Variants in KCNQ1 observed in about 807,000 individuals in gnomAD.
The protein encoded by KCNQ1 is potassium voltage-gated channel subfamily Q member 1, also known as potassium voltage-gated channel subfamily KQT member 1.
A neutral mutation model predicts 72.4 loss-of-function variants in KCNQ1; 49 were observed. The observed-to-expected ratio is 0.68, with a 90% CI of 0.54 to 0.86. The LOEUF (loss-of-function observed/expected upper bound fraction) is 0.86, where lower values mean the gene tolerates loss of function less well. Among genes scored for constraint, KCNQ1 ranks in the 40% least tolerant of loss-of-function variants. KCNQ1 has a pLI of 0.00. For synonymous variants in KCNQ1, 450 were observed against 412.6 expected, an observed-to-expected ratio of 1.09 and a Z score of -1.10; for missense variants, 790 against 945.1, an observed-to-expected ratio of 0.84 and a Z score of 2.15.
chr11:2,717,047 T>A (rs934485750), intron 11 of KCNQ1, among the ~76,000 whole-genome samples: 1 of 152,196 alleles, frequency 6.6e-6, no homozygotes, highest in African/African-American at 2.4e-5. Context: ...GCCCCCCAGA[T>A]GTCCTGCCCT....
At chr11:2,558,711 T>G (rs1473742910) in intron 2 of KCNQ1, among the ~76,000 whole-genome samples, 1 of 152,068 alleles carries the variant, frequency 6.6e-6, no homozygotes, top group African/African-American at 2.4e-5. Context: ...GAAACGTGTG[T>G]AACTCTAGTC....
intron 12 of KCNQ1, among the ~76,000 whole-genome samples, chr11:2,775,574 C>T (rs936244083): frequency 1.1e-4 from 17 of 152,332 alleles, no homozygotes; most frequent in African/African-American, 4.1e-4. Context: ...AGCTGTGCCT[C>T]CTGGTCAGTG....
rs1163498769 is a variant in KCNQ1, at chr11:2,620,107, C to G, written c.1393+31253C>G. On this transcript the variant is annotated intron_variant, in intron 10 of 15. Transcript: ENST00000155840. The surrounding 1 kb of genome is among the most constrained non-coding windows in gnomAD (Gnocchi z 4.5). ...GGTCCCACTTGCAAGTGGTAACATG[C>G]AGTATTTGGTTTTCTGTTCCTGCAT... 4.8e-5 allele frequency: 19 copies of G among 397,988 alleles called. No individual in the cohort carries two copies. Among genetic ancestry groups the G allele is most frequent in the Non-Finnish European group, 1.3e-5 (3 of 225,968 alleles). The allele number at this position is 397,988 out of a possible 1,614,324, so 24.7% of individuals were successfully genotyped here.
Position 2,620,383 on chromosome 11 carries a change from A to G in KCNQ1, c.1393+31529A>G, listed in dbSNP as rs1011662945. 1.7e-4 allele frequency: 37 copies of G among 211,852 alleles called. No individual in the cohort carries two copies. The highest frequency in any genetic ancestry group is 5.9e-4 in the Admixed American group (10 of 16,988). The allele number at this position is 211,852 out of a possible 1,614,324, so 13.1% of individuals were successfully genotyped here. ...AGGCATGCGCCACCACGTCCAGCTAATTTTGTAGTTTTAGTAGAGACAGGG... is the reference window on the plus strand; with the variant it reads ...AGGCATGCGCCACCACGTCCAGCTAGTTTTGTAGTTTTAGTAGAGACAGGG... On this transcript the variant is annotated intron_variant, in intron 10 of 15. Coordinates refer to ENST00000155840, the MANE Select transcript of KCNQ1 (RefSeq NM_000218.3). The surrounding 1 kb of genome is among the most constrained non-coding windows in gnomAD (Gnocchi z 4.5).
chr11:2,580,465 G>A (rs1019499306), intron 6 of KCNQ1, among the ~76,000 whole-genome samples: 1 of 151,948 alleles, frequency 6.6e-6, no homozygotes, highest in Non-Finnish European at 1.5e-5. Context: ...AAATATTATC[G>A]AAAGAAAAAT....
rs1374936567 is a variant in KCNQ1 at position 2,598,075 on chromosome 11, TATTA to T, written c.1393+9225_1393+9228del. On this transcript the variant is annotated intron_variant, in intron 10 of 15. Coordinates refer to ENST00000155840, the MANE Select transcript of KCNQ1 (RefSeq NM_000218.3). The surrounding 1 kb of genome is among the most constrained non-coding windows in gnomAD (Gnocchi z 6.2). Reference sequence around the variant, plus strand: ...TTTCATTAATCTAAGCTTTTATAGCTATTAATTCCCTTTTCTTGGCTAACTCTAT... The same window carrying T: ...TTTCATTAATCTAAGCTTTTATAGCTATTCCCTTTTCTTGGCTAACTCTAT... Among the ~76,000 whole-genome samples, 2 of 152,170 alleles carry T rather than the reference TATTA, an allele frequency of 1.3e-5. No individual in the cohort carries two copies. The highest frequency in any genetic ancestry group is 4.8e-5 in the African/African-American group (2 of 41,462).
At position 2,762,497 on chromosome 11, in the gene KCNQ1, C is replaced by G. The variant is rs1409385977; in HGVS notation, c.1515-6347C>G. ...CAGCTCGACGGCAAAGGCGTCTTTT[C>G]TATGAACCAGTGGCCACAGGAGGGT... is the stretch of plus-strand genomic sequence containing the variant. On this transcript the variant is annotated intron_variant, in intron 11 of 15. Transcript: ENST00000155840. The surrounding 1 kb of genome is among the most constrained non-coding windows in gnomAD (Gnocchi z 4.3). 1.3e-5 allele frequency among the ~76,000 whole-genome samples: 2 copies of G among 152,152 alleles called. No homozygotes were observed. The highest frequency in any genetic ancestry group is 6.5e-5 in the Admixed American group (1 of 15,286).
intron 1 of KCNQ1, among the ~76,000 whole-genome samples, chr11:2,480,287 C>G (rs1846632202): frequency 6.6e-6 from 1 of 152,188 alleles, no homozygotes; most frequent in Non-Finnish European, 1.5e-5. Context: ...AGTCCATTTT[C>G]ATGCTGCTGA....
chr11:2,638,284 A>G (rs985826822), intron 10 of KCNQ1: 6 of 152,104 alleles, frequency 3.9e-5, no homozygotes, highest in African/African-American at 1.2e-4. Flanking sequence ...GGTCTTTACA[A>G]TTTGTCATGT....
chr11:2,642,678 G>A lies in KCNQ1; in HGVS notation c.1394-19283G>A, dbSNP rs1849598250. ...CTTGTTTAGTTCTGCTCTGATCTTC[G>A]TTATTTCTTTCCTTCTACTAATTTT... On this transcript the variant is annotated intron_variant, in intron 10 of 15. Transcript: ENST00000155840. This position sits in a 1 kb window ranked among gnomAD's most constrained non-coding sequence, Gnocchi z 4.3. 6 of 397,398 alleles carry A rather than the reference G, an allele frequency of 1.5e-5. No homozygotes were observed. Among genetic ancestry groups the A allele is most frequent in the South Asian group, 1.3e-4 (1 of 7,836 alleles). 24.6% of individuals were successfully genotyped at this position (397,398 alleles called of 1,614,324 possible).
rs1850879593 is a variant in KCNQ1, at chr11:2,704,769, C to G, written c.1514+42688C>G. On this transcript the variant is annotated intron_variant, in intron 11 of 15. Coordinates refer to ENST00000155840, the MANE Select transcript of KCNQ1 (RefSeq NM_000218.3). The surrounding 1 kb of genome is among the most constrained non-coding windows in gnomAD (Gnocchi z 4.3). ...TCAGGCGGCAACTTTGTCTAGACTT[C>G]TGGCTGAGGACAGGGAGGAGCTTAA... Among the ~76,000 whole-genome samples the G allele has an allele frequency of 6.6e-6, 1 of 152,132 alleles. No individual in the cohort carries two copies. The highest frequency in any genetic ancestry group is 1.5e-5 in the Non-Finnish European group (1 of 68,022).
At chr11:2,792,959 G>A (rs1332468059) in intron 15 of KCNQ1, among the ~76,000 whole-genome samples, 3 of 78,854 alleles carry the variant, frequency 3.8e-5, no homozygotes, top group South Asian at 4.4e-4. Flanking sequence ...CCCGCCCCCC[G>A]GGAGCCGCAG....
chr11:2,625,977 C>T (rs1009589526), intron 10 of KCNQ1: 7 of 398,468 alleles, frequency 1.8e-5, no homozygotes, highest in Admixed American at 8.8e-5. Context: ...AAATTTTTCT[C>T]CCATTCTGTA....
At position 2,813,412 on chromosome 11, in the gene KCNQ1, C is replaced by T. The variant is rs2237889; in HGVS notation, c.1795-34355C>T. On this transcript the variant is annotated intron_variant, in intron 15 of 15. Coordinates refer to ENST00000155840, the MANE Select transcript of KCNQ1 (RefSeq NM_000218.3). This position sits in a 1 kb window ranked among gnomAD's most constrained non-coding sequence, Gnocchi z 4.4. ...TGCACCTCTTTTTCACCCCCAAACCCGCCTGCCCGTCAGTGCTTAGAGCAA... is the reference window on the plus strand; with the variant it reads ...TGCACCTCTTTTTCACCCCCAAACCTGCCTGCCCGTCAGTGCTTAGAGCAA... Among the ~76,000 whole-genome samples the T allele has an allele frequency of 6.4e-5, 3 of 46,674 alleles. No individual in the cohort carries two copies. The highest frequency in any genetic ancestry group is 6.4e-3 in the East Asian group (2 of 312). The allele number at this position is 46,674 out of a possible 152,430, so 30.6% of individuals were successfully genotyped here.
chr11:2,487,540 T>G (rs1846761097), intron 1 of KCNQ1, among the ~76,000 whole-genome samples: 1 of 152,216 alleles, frequency 6.6e-6, no homozygotes, highest in African/African-American at 2.4e-5. Context: ...CTTTTTAAGT[T>G]TCTTTCAGTA....
At chr11:2,496,150 A>G (rs914177860) in intron 1 of KCNQ1, among the ~76,000 whole-genome samples, 7 of 152,114 alleles carry the variant, frequency 4.6e-5, no homozygotes, top group African/African-American at 1.7e-4. Context: ...AAAGGCTAGG[A>G]TCTTGGCCGG....
chr11:2,589,324 T>C (rs1208961630), intron 10 of KCNQ1, among the ~76,000 whole-genome samples: 1 of 152,146 alleles, frequency 6.6e-6, no homozygotes, highest in Non-Finnish European at 1.5e-5. Context: ...GCCCTTCTCA[T>C]GCAGCCCAGG....
rs893767199 is a variant in KCNQ1 at position 2,690,098 on chromosome 11, C to A, written c.1514+28017C>A. 2 of 398,964 alleles carry A rather than the reference C, an allele frequency of 5.0e-6. No individual in the cohort carries two copies. The highest frequency in any genetic ancestry group is 6.3e-4 in the Middle Eastern group (1 of 1,596). The allele number at this position is 398,964 out of a possible 1,614,324, so 24.7% of individuals were successfully genotyped here. A position where few individuals can be genotyped will look rare whatever the true frequency, so the allele number is the denominator to read the frequency against. The stretch of plus-strand genomic sequence containing the variant: ...GCTGAAGGCACAGCAGGGACAATCG[C>A]TCTTCCGGGGTTAGAACTGGGGGAG... On this transcript the variant is annotated intron_variant, in intron 11 of 15. Coordinates refer to ENST00000155840, the MANE Select transcript of KCNQ1 (RefSeq NM_000218.3). The surrounding 1 kb of genome is among the most constrained non-coding windows in gnomAD (Gnocchi z 5.1).
chr11:2,813,083 C>T lies in KCNQ1; in HGVS notation c.1795-34684C>T, dbSNP rs1001724205. On this transcript the variant is annotated intron_variant, in intron 15 of 15. Coordinates refer to ENST00000155840, the MANE Select transcript of KCNQ1 (RefSeq NM_000218.3). The surrounding 1 kb of genome is among the most constrained non-coding windows in gnomAD (Gnocchi z 4.4). ...CTGAGAAGACAGAGCTGGCCAGCACCATCTCTCCTGTGAGAACCCTGTGCC... is the reference window on the plus strand; with the variant it reads ...CTGAGAAGACAGAGCTGGCCAGCACTATCTCTCCTGTGAGAACCCTGTGCC... Among the ~76,000 whole-genome samples the T allele has an allele frequency of 2.0e-5, 3 of 152,252 alleles. No homozygotes were observed. The highest frequency in any genetic ancestry group is 6.5e-5 in the Admixed American group (1 of 15,294).
Sources: gnomAD v4.1 joint callset for allele counts (sites outside exome capture counted in the v4.1 genomes callset) on GRCh38, gnomAD v4.1.1 for gene constraint, Gnocchi (gnomAD v3.1) non-coding constraint, MANE v1.5 for transcripts, NCBI Gene and HGNC (gene_info 2026-07-23, HGNC 2026-07-21) for gene names.